Variants in ADARB2 observed in about 807,000 individuals in gnomAD.
ADARB2 encodes the protein adenosine deaminase RNA specific B2 (inactive).
In ADARB2, 25 loss-of-function variants were observed where a neutral mutation model predicts 62.2. That is an observed-to-expected ratio of 0.40 (90% CI 0.29 to 0.56). The LOEUF (loss-of-function observed/expected upper bound fraction) is 0.56. Ranked by LOEUF, ADARB2 falls within the 20% of genes least tolerant of loss-of-function variation. ADARB2 has a pLI of 0.43. For synonymous variants in ADARB2, 572 were observed against 500.8 expected, an observed-to-expected ratio of 1.14 and a Z score of -1.90; for missense variants, 1,071 against 1,077.4, an observed-to-expected ratio of 0.99 and a Z score of 0.08.
intron 1 of ADARB2, among the ~76,000 whole-genome samples, chr10:1,628,303 G>GTGATTACT (rs1833797793): frequency 6.6e-6 from 1 of 152,242 alleles, no homozygotes; most frequent in African/African-American, 2.4e-5. Context: ...GGTAGTGCCT[G>GTGATTACT]TGATTACTTG....
At chr10:1,641,804 G>C (rs1833981780) in intron 1 of ADARB2, among the ~76,000 whole-genome samples, 1 of 152,208 alleles carries the variant, frequency 6.6e-6, no homozygotes, top group Admixed American at 6.5e-5. Context: ...CCTGAGGTCA[G>C]GAGTTTGAGA....
At chr10:1,561,183 A>AT (rs1199550471) in intron 1 of ADARB2, among the ~76,000 whole-genome samples, 1 of 152,272 alleles carries the variant, frequency 6.6e-6, no homozygotes, top group African/African-American at 2.4e-5. Flanking sequence ...CTTGAAATTC[A>AT]TTTTTTCTTT....
chr10:1,438,852 T>C (rs11250511), intron 1 of ADARB2, among the ~76,000 whole-genome samples: 42 of 76,660 alleles, frequency 5.5e-4, no homozygotes, highest in East Asian at 9.4e-4. Flanking sequence ...CTGTGGGGCT[T>C]CTGAGTCTCC....
chr10:1,332,922 T>TC (rs1831942795), intron 3 of ADARB2, among the ~76,000 whole-genome samples: 1 of 152,200 alleles, frequency 6.6e-6, no homozygotes, highest in Admixed American at 6.5e-5. Flanking sequence ...TGTCCATTTT[T>TC]CCCCATCCCC....
chr10:1,393,321 C>T (rs1000950966), intron 1 of ADARB2, among the ~76,000 whole-genome samples: 5 of 152,154 alleles, frequency 3.3e-5, no homozygotes, highest in African/African-American at 9.7e-5. Flanking sequence ...TCATGGAAAA[C>T]GTGGTATCCA....
At chr10:1,286,164 T>TCCACATGGAGGTGGGACACACCTC (rs1831411953) in intron 3 of ADARB2, among the ~76,000 whole-genome samples, 1 of 151,630 alleles carries the variant, frequency 6.6e-6, no homozygotes, top group Non-Finnish European at 1.5e-5. Flanking sequence ...AGGGCCAGAG[T>TCCACATGGAGGTGGGACACACCTC]CCACATGGAG....
At position 1,193,166 on chromosome 10, in the gene ADARB2, C is replaced by T. The variant is rs140087107; in HGVS notation, c.1864+6800G>A. Among the ~76,000 whole-genome samples, 755 of 152,256 alleles carry T rather than the reference C, an allele frequency of 5.0e-3. 8 individuals carry two copies. The highest frequency in any genetic ancestry group is 0.016 in the African/African-American group (669 of 41,538). Reference sequence around the variant, plus strand: ...GTTCTGCTGGGACAGCAGTGATGTCCGGGGATGCCAAGGCCTGGGCGGTGT... The same window carrying T: ...GTTCTGCTGGGACAGCAGTGATGTCTGGGGATGCCAAGGCCTGGGCGGTGT... On this transcript the variant is annotated intron_variant, in intron 8 of 9. Transcript: ENST00000381312.
intron 1 of ADARB2, among the ~76,000 whole-genome samples, chr10:1,480,423 G>T (rs1368967299): frequency 6.6e-6 from 1 of 152,216 alleles, no homozygotes; most frequent in Non-Finnish European, 1.5e-5. Context: ...TTCTGGCCGG[G>T]CGTGGTGGCT....
chr10:1,587,447 A>G (rs1023610284), intron 1 of ADARB2, among the ~76,000 whole-genome samples: 1 of 152,174 alleles, frequency 6.6e-6, no homozygotes, highest in Non-Finnish European at 1.5e-5. Flanking sequence ...TCACTCCTTC[A>G]GCAGGGTGTA....
At chr10:1,631,452 G>A (rs995825358) in intron 1 of ADARB2, among the ~76,000 whole-genome samples, 7 of 152,208 alleles carry the variant, frequency 4.6e-5, no homozygotes, top group Admixed American at 6.5e-5. Flanking sequence ...ATGCCAGGGC[G>A]TATCACCTTC....
chr10:1,581,315 C>T (rs536315496), intron 1 of ADARB2, among the ~76,000 whole-genome samples: 101 of 152,360 alleles, frequency 6.6e-4, no homozygotes, highest in African/African-American at 2.4e-3. Context: ...TGGAAGCATA[C>T]ACCCAGTTCC....
chr10:1,327,197 G>GCGCCTCCTCACT (rs1564258166), intron 3 of ADARB2, among the ~76,000 whole-genome samples: 1 of 72,518 alleles, frequency 1.4e-5, no homozygotes, highest in East Asian at 3.8e-4. Flanking sequence ...GCCTCCCCAA[G>GCGCCTCCTCACT]GCACAGCGCC....
chr10:1,205,077 C>T (rs1385468682), intron 7 of ADARB2, among the ~76,000 whole-genome samples: 1 of 152,092 alleles, frequency 6.6e-6, no homozygotes, highest in Non-Finnish European at 1.5e-5. Context: ...CCCTTAGGTC[C>T]CGGCCGCCAT....
At chr10:1,264,839 T>G (rs1831179103) in intron 4 of ADARB2, among the ~76,000 whole-genome samples, 1 of 152,224 alleles carries the variant, frequency 6.6e-6, no homozygotes, top group Non-Finnish European at 1.5e-5. Context: ...CAGTTGTAAG[T>G]CAGTCCAAGA....
intron 1 of ADARB2, among the ~76,000 whole-genome samples, chr10:1,618,434 C>G (rs553186006): frequency 6.6e-6 from 1 of 152,242 alleles, no homozygotes; most frequent in African/African-American, 2.4e-5. Context: ...ATTCACATAC[C>G]TATAGAAAAT....
chr10:1,536,591 C>T (rs917758227), intron 1 of ADARB2, among the ~76,000 whole-genome samples: 7 of 152,196 alleles, frequency 4.6e-5, no homozygotes, highest in East Asian at 1.9e-4. Context: ...AGATTACTCA[C>T]GGCTCTAGAA....
intron 1 of ADARB2, among the ~76,000 whole-genome samples, chr10:1,451,597 C>A (rs1831039387): frequency 1.3e-5 from 2 of 151,112 alleles, no homozygotes. Context: ...AGGAGGGGCT[C>A]ACCTGTATAA....
intron 1 of ADARB2, among the ~76,000 whole-genome samples, chr10:1,464,950 G>T (rs11593949): frequency 0.13 from 19,055 of 152,266 alleles, 1,252 homozygotes; most frequent in Middle Eastern, 0.25. Context: ...ACACGGGACT[G>T]CCCACAGTGG....
At chr10:1,509,561 A>G (rs925778317) in intron 1 of ADARB2, among the ~76,000 whole-genome samples, 5 of 152,228 alleles carry the variant, frequency 3.3e-5, no homozygotes, top group African/African-American at 1.2e-4. Context: ...CATTTAGTCA[A>G]AATGCTGGAT....
Sources: gnomAD v4.1 joint callset for allele counts (sites outside exome capture counted in the v4.1 genomes callset) on GRCh38, gnomAD v4.1.1 for gene constraint, MANE v1.5 for transcripts, NCBI Gene and HGNC (gene_info 2026-07-23, HGNC 2026-07-21) for gene names.